Variants in PCDH15 observed in about 807,000 individuals in gnomAD.
The protein encoded by PCDH15 is protocadherin-15.
PCDH15 carries 129 observed loss-of-function variants against 178.5 expected under a neutral mutation model. That is an observed-to-expected ratio of 0.72 (90% CI 0.63 to 0.84). The LOEUF (loss-of-function observed/expected upper bound fraction) is 0.84. Among genes scored for constraint, PCDH15 ranks in the 40% least tolerant of loss-of-function variants. The pLI is 0.00. For synonymous variants in PCDH15, 800 were observed against 732.0 expected, an observed-to-expected ratio of 1.09 and a Z score of -1.50; for missense variants, 2,230 against 2,099.9, an observed-to-expected ratio of 1.06 and a Z score of -1.21.
At chr10:54,136,884 C>T (rs906991600) in intron 14 of PCDH15, among the ~76,000 whole-genome samples, 2 of 152,074 alleles carry the variant, frequency 1.3e-5, no homozygotes, top group African/African-American at 4.8e-5. Context: ...CCCCCTTGGT[C>T]TTGAATGTTA....
intron 4 of PCDH15, among the ~76,000 whole-genome samples, chr10:54,374,932 T>C (rs1948184638): frequency 6.6e-6 from 1 of 152,112 alleles, no homozygotes; most frequent in South Asian, 2.1e-4. Flanking sequence ...AAAATGTTTC[T>C]GTCTATATTG....
At chr10:54,733,075 C>A (rs1410404807) in intron 1 of PCDH15, among the ~76,000 whole-genome samples, 1 of 151,486 alleles carries the variant, frequency 6.6e-6, no homozygotes, top group Admixed American at 6.6e-5. Context: ...GAAAGACTGA[C>A]AAAGCAAGTA....
chr10:55,082,700 A>T (rs1442942470), intron 2 of PCDH15, among the ~76,000 whole-genome samples: 2 of 151,828 alleles, frequency 1.3e-5, no homozygotes, highest in Non-Finnish European at 2.9e-5. Flanking sequence ...CAAATAAATA[A>T]AATTAGAGAT....
At chr10:54,272,803 C>A (rs1389622000) in intron 8 of PCDH15, among the ~76,000 whole-genome samples, 1 of 152,018 alleles carries the variant, frequency 6.6e-6, no homozygotes, top group Non-Finnish European at 1.5e-5. Flanking sequence ...CTTATAAAAT[C>A]ATACTTAATA....
At chr10:53,852,132 G>A (rs192733144) in intron 28 of PCDH15, among the ~76,000 whole-genome samples, 28 of 152,034 alleles carry the variant, frequency 1.8e-4, no homozygotes, top group Middle Eastern at 3.4e-3. Flanking sequence ...TCTTATTTGA[G>A]TTTCATGGTG....
intron 2 of PCDH15, among the ~76,000 whole-genome samples, chr10:55,542,177 G>T (rs919578408): frequency 1.3e-5 from 2 of 150,488 alleles, no homozygotes; most frequent in African/African-American, 4.9e-5. Flanking sequence ...CATATGTACA[G>T]TATGTCTATA....
chr10:54,321,643 C>T (rs896154009), intron 7 of PCDH15, among the ~76,000 whole-genome samples: 4 of 151,888 alleles, frequency 2.6e-5, no homozygotes, highest in African/African-American at 4.8e-5. Context: ...AAATCTCTCA[C>T]TATTATCTGC....
chr10:54,418,385 T>C (rs1288695424), intron 3 of PCDH15, among the ~76,000 whole-genome samples: 1 of 152,038 alleles, frequency 6.6e-6, no homozygotes, highest in African/African-American at 2.4e-5. Context: ...TATTTAAATA[T>C]AACAAAGATT....
At chr10:54,683,732 A>G (rs2094940796) in intron 1 of PCDH15, among the ~76,000 whole-genome samples, 1 of 152,136 alleles carries the variant, frequency 6.6e-6, no homozygotes, top group Admixed American at 6.6e-5. Flanking sequence ...CATTTCACAG[A>G]ACTTTGAAGT....
At chr10:54,400,980 T>C (rs1565179920) in intron 3 of PCDH15, among the ~76,000 whole-genome samples, 1 of 152,054 alleles carries the variant, frequency 6.6e-6, no homozygotes, top group Non-Finnish European at 1.5e-5. Context: ...ACTGTCATTG[T>C]TGAGAATTTG....
intron 1 of PCDH15, among the ~76,000 whole-genome samples, chr10:54,760,099 T>G (rs1394645850): frequency 6.6e-6 from 1 of 152,226 alleles, no homozygotes; most frequent in Non-Finnish European, 1.5e-5. Context: ...ATTGAAGTTT[T>G]TCTATACAGA....
chr10:54,509,783 T>A lies in PCDH15; in HGVS notation c.157+18029A>T, dbSNP rs187158432. 8.5e-5 allele frequency among the ~76,000 whole-genome samples: 13 copies of A among 152,266 alleles called. No homozygotes were observed. In the East Asian group the frequency reaches 2.3e-3, roughly 27 times the overall value. On this transcript the variant is annotated intron_variant, in intron 3 of 37. Coordinates refer to ENST00000644397, the MANE Select transcript of PCDH15 (RefSeq NM_001384140.1). ...CTCAGTGCCAACAAACCCATGAATATCCTCTTCATCAATACCCAATTTTAG... is the reference window on the plus strand; with the variant it reads ...CTCAGTGCCAACAAACCCATGAATAACCTCTTCATCAATACCCAATTTTAG...
At chr10:54,378,571 G>C (rs1948780587) in intron 4 of PCDH15, among the ~76,000 whole-genome samples, 1 of 151,980 alleles carries the variant, frequency 6.6e-6, no homozygotes, top group Non-Finnish European at 1.5e-5. Flanking sequence ...CAAGCTTCCA[G>C]GATATTAAAG....
chr10:54,140,598 C>T (rs1590742062), intron 14 of PCDH15, among the ~76,000 whole-genome samples: 1 of 152,054 alleles, frequency 6.6e-6, no homozygotes, highest in East Asian at 1.9e-4. Flanking sequence ...CCTCAGTCCT[C>T]AGCTGGGACT....
chr10:54,435,362 T>G (rs1230164254), intron 3 of PCDH15, among the ~76,000 whole-genome samples: 1 of 152,178 alleles, frequency 6.6e-6, no homozygotes, highest in African/African-American at 2.4e-5. Flanking sequence ...TATTCCTTCT[T>G]TGTGGAAGCT....
chr10:55,420,561 G>T (rs11593895), intron 2 of PCDH15, among the ~76,000 whole-genome samples: 1 of 151,376 alleles, frequency 6.6e-6, no homozygotes, highest in Admixed American at 6.6e-5. Context: ...GAATCACTTT[G>T]CTATTTTGCT....
intron 15 of PCDH15, among the ~76,000 whole-genome samples, chr10:54,104,673 T>TA (rs34547805): frequency 0.59 from 89,405 of 150,954 alleles, 27,390 homozygotes; most frequent in Middle Eastern, 0.68. Context: ...CCGTCTCTAC[T>TA]AAAAATACAA....
At chr10:55,439,979 G>C (rs1421671493) in intron 2 of PCDH15, among the ~76,000 whole-genome samples, 1 of 152,072 alleles carries the variant, frequency 6.6e-6, no homozygotes, top group African/African-American at 2.4e-5. Flanking sequence ...TGAGACAAGA[G>C]GTCCGTTGTA....
intron 3 of PCDH15, among the ~76,000 whole-genome samples, chr10:54,511,018 A>G (rs957375998): frequency 6.6e-6 from 1 of 152,196 alleles, no homozygotes; most frequent in Non-Finnish European, 1.5e-5. Flanking sequence ...TTCAGTTGGT[A>G]GAAGTATAGA....
Sources: gnomAD v4.1 joint callset for allele counts (sites outside exome capture counted in the v4.1 genomes callset) on GRCh38, gnomAD v4.1.1 for gene constraint, MANE v1.5 for transcripts, NCBI Gene and HGNC (gene_info 2026-07-23, HGNC 2026-07-21) for gene names.